POMK: variants seen among roughly 807,000 people sequenced by gnomAD.
The protein encoded by POMK is Sugen kinase 196.
Under a neutral mutation model 23.0 loss-of-function variants are expected in POMK, and 19 were observed. The observed-to-expected ratio is 0.83, with a 90% CI of 0.58 to 1.21. POMK has a LOEUF of 1.21. POMK is among the 50% of genes most tolerant of loss of function. The pLI is 0.00. For missense variants in POMK, 410 were observed against 431.3 expected (o/e 0.95, Z 0.44); for synonymous variants, 173 against 171.6 (o/e 1.01, Z -0.06).
chr8:43,103,217 T>C (rs750325861), intron 3 of POMK, among the ~76,000 whole-genome samples: 12 of 152,208 alleles, frequency 7.9e-5, no homozygotes, highest in African/African-American at 1.2e-4. Flanking sequence ...TTTGCTTTCA[T>C]TTTACTGAAT....
intron 2 of POMK, among the ~76,000 whole-genome samples, chr8:43,102,135 G>A (rs1374577549): frequency 6.6e-6 from 1 of 152,198 alleles, no homozygotes; most frequent in Non-Finnish European, 1.5e-5. Flanking sequence ...CTTGTTTATT[G>A]TCTGTCTTCC....
intron 1 of POMK, among the ~76,000 whole-genome samples, chr8:43,093,941 G>A (rs543519583): frequency 1.3e-5 from 2 of 152,364 alleles, no homozygotes; most frequent in East Asian, 3.9e-4. Context: ...AGCCGGGCGC[G>A]GTGGCGCCGC....
At chr8:43,116,275 A>G (rs1044742441) in intron 4 of POMK, among the ~76,000 whole-genome samples, 2 of 152,144 alleles carry the variant, frequency 1.3e-5, no homozygotes, top group Non-Finnish European at 2.9e-5. Flanking sequence ...AGTTAATTAT[A>G]TTCTTTTTCT....
chr8:43,116,890 C>G (rs769871823), intron 4 of POMK, among the ~76,000 whole-genome samples: 9 of 151,888 alleles, frequency 5.9e-5, no homozygotes, highest in East Asian at 1.9e-4. Context: ...GGGCTGAGTC[C>G]GAAAAGAGAG....
chr8:43,120,192 A>G (rs1241346453), intron 4 of POMK, among the ~76,000 whole-genome samples: 1 of 151,418 alleles, frequency 6.6e-6, no homozygotes, highest in African/African-American at 2.4e-5. Context: ...ATGGTTTTGT[A>G]TACTTCTCAT....
intron 4 of POMK, among the ~76,000 whole-genome samples, chr8:43,117,465 G>T (rs1811823405): frequency 2.0e-5 from 3 of 152,184 alleles, no homozygotes. Flanking sequence ...GAAAGGAAGA[G>T]GTTGGTCTTG....
intron 4 of POMK, among the ~76,000 whole-genome samples, chr8:43,114,058 G>T (rs1186651282): frequency 2.0e-5 from 3 of 152,226 alleles, no homozygotes; most frequent in Non-Finnish European, 4.4e-5. Context: ...TTGGGGGTCA[G>T]GGGTCAGGGA....
chr8:43,119,433 CTTTTTTTTTTT>C (rs907663234), intron 4 of POMK, among the ~76,000 whole-genome samples: 1 of 95,988 alleles, frequency 1.0e-5, no homozygotes. Context: ...TGAAAAACAG[CTTTTTTTTTTT>C]TTTTTTTTTT....
rs1206884841 is a variant in POMK, at chr8:43,103,831, G to A, written c.282+1G>A. 2 of 1,613,980 alleles carry A rather than the reference G, an allele frequency of 1.2e-6. No homozygotes were observed. Among genetic ancestry groups the A allele is most frequent in the Non-Finnish European group, 8.5e-7 (1 of 1,179,844 alleles). On this transcript the variant is annotated splice_donor_variant, in intron 4 of 4. Coordinates refer to ENST00000331373, the MANE Select transcript of POMK (RefSeq NM_032237.5). LOFTEE classifies it high-confidence loss of function. Reference sequence around the variant, plus strand: ...TGTTGGGGAAGGAGCTGTAAAGAGAGTGAGTCCGGGTTCATTTGCGATTGC... The same window carrying A: ...TGTTGGGGAAGGAGCTGTAAAGAGAATGAGTCCGGGTTCATTTGCGATTGC...
rs779318258 is a variant in POMK, at chr8:43,122,668, A to G, written c.844A>G (p.Ile282Val). 6.2e-7 allele frequency: 1 copy of G among 1,614,052 alleles called. No individual in the cohort carries two copies. Among genetic ancestry groups the G allele is most frequent in the Non-Finnish European group, 8.5e-7 (1 of 1,180,026 alleles). Residue 282 changes from isoleucine (I) to valine (V), a missense_variant, in exon 5 of 5, where the codon ATT (isoleucine) becomes GTT (valine). Ile to Val is a conservative substitution (Grantham distance 29, BLOSUM62 3). Coordinates refer to ENST00000331373, the MANE Select transcript of POMK (RefSeq NM_032237.5). ...LMPSYDEKIDIWKIPDISSFL... is the reference protein window; with the variant it reads ...LMPSYDEKIDVWKIPDISSFL... ...GCCCTCATATGATGAGAAGATTGAC[A>G]TTTGGAAGATCCCAGACATCTCCAG...
Position 43,122,627 on chromosome 8 carries a change from T to C in POMK, c.803T>C (p.Phe268Ser). The stretch of plus-strand genomic sequence containing the variant: ...TGGCCCTATGGAGAGGACGTGCCTT[T>C]CCACGATGATCTCATGCCCTCATAT... ...QLWPYGEDVP[F>S]HDDLMPSYDE... Residue 268 changes from phenylalanine to serine, a missense_variant, in exon 5 of 5, where the codon TTC (phenylalanine) becomes TCC (serine). Transcript: ENST00000331373. 6.2e-7 allele frequency: 1 copy of C among 1,614,198 alleles called. No individual in the cohort carries two copies.
rs537403790 is a variant in POMK at position 43,114,154 on chromosome 8, C to T, written c.283-7953C>T. On this transcript the variant is annotated intron_variant, in intron 4 of 4. Coordinates refer to ENST00000331373, the MANE Select transcript of POMK (RefSeq NM_032237.5). ...TCTCTTCAAAGCTGTCAGACAGGGA[C>T]ATTTAAGTCTGCAGAGGTTACTGCT... 2.6e-4 allele frequency among the ~76,000 whole-genome samples: 40 copies of T among 152,336 alleles called. 1 individual carries two copies. In the South Asian group the frequency reaches 7.5e-3, roughly 28 times the overall value.
chr8:43,112,730 A>G (rs1344583571), intron 4 of POMK, among the ~76,000 whole-genome samples: 1 of 152,268 alleles, frequency 6.6e-6, no homozygotes, highest in Non-Finnish European at 1.5e-5. Context: ...CAGAAACTCT[A>G]CAAGCCAGAA....
intron 4 of POMK, among the ~76,000 whole-genome samples, chr8:43,115,210 C>A (rs1238236869): frequency 2.0e-5 from 3 of 152,210 alleles, no homozygotes. Context: ...TGGCCTCTTG[C>A]CAGCTCTGCC....
At chr8:43,102,663 G>A (rs973657011) in intron 3 of POMK, 63 bp downstream of exon 3, 9 of 152,418 alleles carry the variant, frequency 5.9e-5, no homozygotes, top group Non-Finnish European at 1.0e-4. Flanking sequence ...GCATTCCAGT[G>A]CTGTTTAGCT....
At chr8:43,095,195 C>T (rs1249540398) in intron 1 of POMK, among the ~76,000 whole-genome samples, 1 of 152,158 alleles carries the variant, frequency 6.6e-6, no homozygotes, top group Non-Finnish European at 1.5e-5. Context: ...GAAAACTTGG[C>T]TCTTCTGTGT....
rs1039860665 is a variant in POMK at position 43,109,354 on chromosome 8, T to C, written c.282+5524T>C. On this transcript the variant is annotated intron_variant, in intron 4 of 4. Coordinates refer to ENST00000331373, the MANE Select transcript of POMK (RefSeq NM_032237.5). ...CTCTCTCCCCTCCCCCTTTTTTCTT[T>C]TGTAGTTTACTTAAAAGGTAAATAA... 3.3e-5 allele frequency among the ~76,000 whole-genome samples: 5 copies of C among 152,140 alleles called. No individual in the cohort carries two copies. In the East Asian group the frequency reaches 5.8e-4, roughly 18 times the overall value.
At chr8:43,099,851 A>G (rs181449857) in intron 2 of POMK, among the ~76,000 whole-genome samples, 15 of 152,246 alleles carry the variant, frequency 9.9e-5, no homozygotes, top group Admixed American at 9.8e-4. Flanking sequence ...TTTTCTAGTA[A>G]AATAGGATGA....
chr8:43,110,759 C>G (rs1195246375), intron 4 of POMK, among the ~76,000 whole-genome samples: 2 of 152,106 alleles, frequency 1.3e-5, no homozygotes, highest in African/African-American at 4.8e-5. Context: ...ATTAGAAATA[C>G]TAATATTAGC....
Sources: gnomAD v4.1 joint callset for allele counts (sites outside exome capture counted in the v4.1 genomes callset) on GRCh38, gnomAD v4.1.1 for gene constraint, MANE v1.5 for transcripts, NCBI Gene and HGNC (gene_info 2026-07-23, HGNC 2026-07-21) for gene names.